UPK3B: variants seen among roughly 807,000 people sequenced by gnomAD.
The protein encoded by UPK3B is uroplakin 3B.
Under a neutral mutation model 27.6 loss-of-function variants are expected in UPK3B, and 21 were observed. That is an observed-to-expected ratio of 0.76 (90% confidence interval 0.54 to 1.10). UPK3B has a LOEUF of 1.10. Ranked by LOEUF, UPK3B falls within the 50% of genes least tolerant of loss-of-function variation. UPK3B has a pLI of 0.00. For missense variants in UPK3B, 306 were observed against 376.1 expected, an observed-to-expected ratio of 0.81 and a Z score of 1.54; for synonymous variants, 141 against 162.3, an observed-to-expected ratio of 0.87 and a Z score of 1.00.
Position 76,511,859 on chromosome 7 carries a change from C to G in UPK3B, c.438C>G (p.Pro146=), listed in dbSNP as rs968082864. 4.2e-6 allele frequency: 6 copies of G among 1,441,236 alleles called. No individual in the cohort carries two copies. Among genetic ancestry groups the G allele is most frequent in the East Asian group, 2.5e-5 (1 of 39,854 alleles). The allele number at this position is 1,441,236 out of a possible 1,614,324, so 89.3% of individuals were successfully genotyped here. A position where few individuals can be genotyped will look rare whatever the true frequency, so the allele number is the denominator to read the frequency against. The change falls in exon 3 of 6, where the codon CCC becomes CCG. Residue 146 remains proline (P), a synonymous_variant. Coordinates refer to ENST00000334348, the MANE Select transcript of UPK3B (RefSeq NM_001347684.2). ...ACCAGCAGCCCTTCTGCAACGCGCC[C>G]CTCCCTGGCCCTGGACCCTATCGGT... ...GCHQQPFCNA[P]LPGPGPYRVK... is the part of the protein sequence containing the mutation.
Position 76,511,809 on chromosome 7 carries a change from C to G in UPK3B, c.388C>G (p.Arg130Gly), listed in dbSNP as rs1188310365. The change falls in exon 3 of 6, where the codon CGG (arginine) becomes GGG (glycine). Residue 130 changes from arginine (R) to glycine (G), a missense_variant. Physicochemically the swap from Arg to Gly is moderately radical, Grantham distance 125. This residue lies in a region of UPK3B where 78 missense variants were observed against 120.2 expected (regional missense o/e 0.65). Transcript: ENST00000334348. ...GGGCAGCGGAGGCGCCCCCGTGCTG[C>G]GGGTGGGCCATGACCACGGCTGCCA... ...MAGSGGAPVL[R>G]VGHDHGCHQQ... is the part of the protein sequence containing the mutation. 6.5e-7 allele frequency: 1 copy of G among 1,546,666 alleles called. No homozygotes were observed. Among genetic ancestry groups the G allele is most frequent in the Admixed American group, 2.0e-5 (1 of 50,694 alleles).
chr7:76,510,813 G>C (rs1354866251), intron 1 of UPK3B, 76 bp downstream of exon 1: 1 of 1,602,746 alleles, frequency 6.2e-7, no homozygotes, highest in African/African-American at 1.3e-5. Flanking sequence ...ATTGGACCCT[G>C]GGCGCCCGCC....
rs755626930 is a variant in UPK3B, at chr7:76,511,721, C to T, written c.300C>T (p.Thr100=). 8.3e-5 allele frequency: 133 copies of T among 1,611,272 alleles called. 1 individual carries two copies. The highest frequency in any genetic ancestry group is 1.8e-4 in the Admixed American group (11 of 59,836). The change falls in exon 3 of 6, where the codon ACC becomes ACT. Residue 100 remains threonine, a synonymous_variant. Transcript: ENST00000334348. ...ADIPASPQLL[T]DGHYMTLPLS... ...TTCCGGCCTCCCCACAGCTGCTGAC[C>T]GATGGCCACTACATGACGCTGCCCC...
At chr7:76,514,846 C>T (rs184985802) in intron 5 of UPK3B, among the ~76,000 whole-genome samples, 199 bp from the exon 6 acceptor site, 1 of 148,158 alleles carries the variant, frequency 6.7e-6, no homozygotes, top group East Asian at 2.0e-4. Flanking sequence ...GCGAAGGTTA[C>T]AGTGAGCTTA....
At position 76,515,117 on chromosome 7, in the gene UPK3B, G is replaced by A. The variant is rs747854834; in HGVS notation, c.744G>A (p.Met248Ile). 1 of 1,601,820 alleles carries A rather than the reference G, an allele frequency of 6.2e-7. No homozygotes were observed. Among genetic ancestry groups the A allele is most frequent in the East Asian group, 2.3e-5 (1 of 44,328 alleles). Residue 248 changes from methionine to isoleucine, a missense_variant, in exon 6 of 6, where the codon ATG becomes ATA. Physicochemically the swap from Met to Ile is conservative, Grantham distance 10 (BLOSUM62 1). Coordinates refer to ENST00000334348, the MANE Select transcript of UPK3B (RefSeq NM_001347684.2). ...RIGSFMGKRY[M>I]THHIPPREAA... is the part of the protein sequence containing the mutation. Reference sequence around the variant, plus strand: ...GCTCCTTCATGGGCAAGCGCTACATGACCCACCACATCCCACCCAGAGAGG... The same window carrying A: ...GCTCCTTCATGGGCAAGCGCTACATAACCCACCACATCCCACCCAGAGAGG...
At position 76,515,196 on chromosome 7, in the gene UPK3B, A is replaced by C; in HGVS notation, c.823A>C (p.Ser275Arg). ...TGGCCTGGACCCCCTCCCCAGCCTC[A>C]GCCCCTAGCCTGGCCTCTTTGCATG... Reference protein sequence around the residue: ...KPGLDPLPSLSP With the variant: ...KPGLDPLPSLRP The change falls in exon 6 of 6, where the codon AGC becomes CGC. Residue 275 changes from serine to arginine, a missense_variant. Coordinates refer to ENST00000334348, the MANE Select transcript of UPK3B (RefSeq NM_001347684.2). 6.3e-7 allele frequency: 1 copy of C among 1,593,294 alleles called. No homozygotes were observed. The highest frequency in any genetic ancestry group is 1.1e-5 in the South Asian group (1 of 87,868).
At position 76,511,053 on chromosome 7, in the gene UPK3B, G is replaced by A. The variant is rs994704910; in HGVS notation, c.235+1G>A. 2 of 1,597,072 alleles carry A rather than the reference G, an allele frequency of 1.3e-6. No individual in the cohort carries two copies. Among genetic ancestry groups the A allele is most frequent in the African/African-American group, 2.7e-5 (2 of 74,680 alleles). On this transcript the variant is annotated splice_donor_variant, in intron 2 of 5. Transcript: ENST00000334348. LOFTEE classifies it high-confidence loss of function. ...TGGCTCGTGGTGGCCTTCAGCAATG[G>A]TACGGGGACTGCTGTGGGGCCTGGG... is the stretch of plus-strand genomic sequence containing the variant.
intron 1 of UPK3B, 70 bp downstream of exon 1, chr7:76,510,807 G>T (rs1394911581): frequency 6.2e-7 from 1 of 1,602,908 alleles, no homozygotes; most frequent in Non-Finnish European, 8.5e-7. Context: ...GGAGTGATTG[G>T]ACCCTGGGCG....
In UPK3B at chr7:76,513,983, G is replaced by A. The variant is rs201500728; in HGVS notation, c.578G>A (p.Arg193Gln). ...GGATCCATCGACACCTGGCCAGGGC[G>A]GCGAAGTGGCAGCATGATCGTCATT... ...TPGSIDTWPG[R>Q]RSGSMIVITS... Residue 193 changes from arginine (R) to glutamine (Q), a missense_variant, in exon 5 of 6, where the codon CGG (arginine) becomes CAG (glutamine). Arg to Gln is a conservative substitution (Grantham distance 43, BLOSUM62 1). Coordinates refer to ENST00000334348, the MANE Select transcript of UPK3B (RefSeq NM_001347684.2). 27 of 1,613,834 alleles carry A rather than the reference G, an allele frequency of 1.7e-5. 1 individual carries two copies. In the Middle Eastern group the frequency reaches 9.9e-4, roughly 59 times the overall value.
At position 76,515,386 on chromosome 7, in the gene UPK3B, G is replaced by T; in HGVS notation, c.*182G>T. ...CCCCTGCCTCTCCTCTGCCTTTCTG[G>T]TTTCTCTCCCTCTCCAAGCATCTGT... is the stretch of plus-strand genomic sequence containing the variant. On this transcript the variant is annotated 3_prime_UTR_variant, in exon 6 of 6. Transcript: ENST00000334348. The T allele has an allele frequency of 2.0e-6, 3 of 1,497,746 alleles. No homozygotes were observed. The highest frequency in any genetic ancestry group is 2.7e-6 in the Non-Finnish European group (3 of 1,126,380). 92.8% of individuals were successfully genotyped at this position (1,497,746 alleles called of 1,614,324 possible).
Position 76,513,112 on chromosome 7 carries a change from G to A in UPK3B, c.490G>A (p.Gly164Ser), listed in dbSNP as rs777860435. The A allele has an allele frequency of 1.9e-6, 3 of 1,613,714 alleles. No homozygotes were observed. The highest frequency in any genetic ancestry group is 2.2e-5 in the South Asian group (2 of 91,044). The change falls in exon 4 of 6, where the codon GGC (glycine) becomes AGC (serine). Residue 164 changes from glycine to serine, a missense_variant. By Grantham distance (56) the Gly-to-Ser change is moderately conservative. Transcript: ENST00000334348. Reference protein sequence around the residue: ...RVKFLLMDTRGSPRAETKWSD... With the variant: ...RVKFLLMDTRSSPRAETKWSD... The stretch of plus-strand genomic sequence containing the variant: ...GAAGTTCCTCCTGATGGACACCAGG[G>A]GCTCACCCAGGGCTGAGACCAAGTG...
chr7:76,514,979 C>T (rs2116686831), intron 5 of UPK3B, 66 bp from the exon 6 acceptor site: 1 of 1,529,376 alleles, frequency 6.5e-7, no homozygotes, highest in Non-Finnish European at 8.8e-7. Flanking sequence ...GGAGAGCAGG[C>T]CTTGACCCAG....
Position 76,515,498 on chromosome 7 carries a change from A to C in UPK3B, c.*294A>C. The C allele has an allele frequency of 1.2e-6, 1 of 832,860 alleles. No homozygotes were observed. The allele number at this position is 832,860 out of a possible 1,614,324, so 51.6% of individuals were successfully genotyped here. On this transcript the variant is annotated 3_prime_UTR_variant, in exon 6 of 6. Coordinates refer to ENST00000334348, the MANE Select transcript of UPK3B (RefSeq NM_001347684.2). ...TCCATCCCCACCTCTGTCTCACCTGACCTCCTGCGAGGGAGGCTGGAGACT... is the reference window on the plus strand; with the variant it reads ...TCCATCCCCACCTCTGTCTCACCTGCCCTCCTGCGAGGGAGGCTGGAGACT...
At position 76,511,752 on chromosome 7, in the gene UPK3B, C is replaced by G. The variant is rs1192093267; in HGVS notation, c.331C>G (p.Pro111Ala). The change falls in exon 3 of 6, where the codon CCG (proline) becomes GCG (alanine). Residue 111 changes from proline (P) to alanine (A), a missense_variant. This residue lies in a region of UPK3B where 78 missense variants were observed against 120.2 expected (regional missense o/e 0.65). Coordinates refer to ENST00000334348, the MANE Select transcript of UPK3B (RefSeq NM_001347684.2). ...CCACTACATGACGCTGCCCCTGTCT[C>G]CGGACCAGCTGCCCTGTGGCGACCC... ...DGHYMTLPLS[P>A]DQLPCGDPMA... The G allele has an allele frequency of 6.2e-7, 1 of 1,610,532 alleles. No homozygotes were observed. Among genetic ancestry groups the G allele is most frequent in the Non-Finnish European group, 8.5e-7 (1 of 1,179,020 alleles).
Position 76,510,579 on chromosome 7 carries a change from C to T in UPK3B, c.-74C>T. The T allele has an allele frequency of 7.5e-7, 1 of 1,329,786 alleles. No homozygotes were observed. Among genetic ancestry groups the T allele is most frequent in the Non-Finnish European group, 9.8e-7 (1 of 1,022,482 alleles). 82.4% of individuals were successfully genotyped at this position (1,329,786 alleles called of 1,614,324 possible). The stretch of plus-strand genomic sequence containing the variant: ...CCTGATTAACCAGCTTCTCCAGGGC[C>T]AAGCTGTTGGGGGTGAGGTGCAGCC... On this transcript the variant is annotated 5_prime_UTR_variant, in exon 1 of 6. Transcript: ENST00000334348.
Position 76,510,715 on chromosome 7 carries a change from T to C in UPK3B, c.63T>C (p.Cys21=), listed in dbSNP as rs1812486658. The C allele has an allele frequency of 1.3e-6, 2 of 1,517,258 alleles. No homozygotes were observed. Among genetic ancestry groups the C allele is most frequent in the Non-Finnish European group, 1.8e-6 (2 of 1,131,252 alleles). 94.0% of individuals were successfully genotyped at this position (1,517,258 alleles called of 1,614,324 possible). ...AGATGCTCCTCCTGGCGTTGAACTG[T>C]CTCCGGCCCAGCCTGAGCCTGGGTG... ...GLQMLLLALN[C]LRPSLSLELV... is the part of the protein sequence containing the mutation. Residue 21 remains cysteine, a synonymous_variant, in exon 1 of 6, where the codon TGT becomes TGC. Coordinates refer to ENST00000334348, the MANE Select transcript of UPK3B (RefSeq NM_001347684.2).
Position 76,516,083 on chromosome 7 carries a change from T to C in UPK3B, c.*879T>C. On this transcript the variant is annotated 3_prime_UTR_variant, in exon 6 of 6. Transcript: ENST00000334348. ...AGCGTCCATCTGTGCACAAGGCCGG[T>C]GGTTCCCGTCGTCGCCACTCGGGGT... 2 of 610,364 alleles carry C rather than the reference T, an allele frequency of 3.3e-6. 1 individual carries two copies. The highest frequency in any genetic ancestry group is 3.8e-6 in the Non-Finnish European group (2 of 529,448). 37.8% of individuals were successfully genotyped at this position (610,364 alleles called of 1,614,324 possible). A position where few individuals can be genotyped will look rare whatever the true frequency, so the allele number is the denominator to read the frequency against.
chr7:76,510,750 C>A lies in UPK3B; in HGVS notation c.85+13C>A, dbSNP rs779225864. 7.8e-6 allele frequency: 12 copies of A among 1,540,916 alleles called. No homozygotes were observed. Among genetic ancestry groups the A allele is most frequent in the Middle Eastern group, 1.8e-4 (1 of 5,708 alleles). On this transcript the variant is annotated intron_variant, in intron 1 of 5. Transcript: ENST00000334348. ...AGCCTGAGCCTGGGTGAGTGGGGGT[C>A]CTGGATGGACGCGTCCAGCCAGACC...
intron 4 of UPK3B, among the ~76,000 whole-genome samples, chr7:76,513,696 G>A (rs1812620688): frequency 6.6e-6 from 1 of 151,998 alleles, no homozygotes; most frequent in African/African-American, 2.4e-5. Flanking sequence ...CAGGGCAGTG[G>A]ATGAGCACGT....
Sources: gnomAD v4.1 joint callset for allele counts (sites outside exome capture counted in the v4.1 genomes callset) on GRCh38, gnomAD v4.1.1 for gene constraint, gnomAD v4.1.1 regional missense constraint, MANE v1.5 for transcripts, NCBI Gene and HGNC (gene_info 2026-07-23, HGNC 2026-07-21) for gene names.